The following NSMCE2 variants were observed in gnomAD, a reference collection of about 807,000 sequenced individuals.
The protein encoded by NSMCE2 is E3 SUMO-protein ligase NSE2.
Under a neutral mutation model 23.8 loss-of-function variants are expected in NSMCE2, and 24 were observed. The observed-to-expected ratio is 1.01, with a 90% confidence interval of 0.73 to 1.42. The LOEUF is 1.42. NSMCE2 is among the 40% of genes most tolerant of loss of function. The pLI is 0.00. For synonymous variants in NSMCE2, 92 were observed against 94.1 expected (o/e 0.98, Z 0.13); for missense variants, 284 against 296.5 (o/e 0.96, Z 0.31).
At chr8:125,265,487 C>T (rs1826874003) in intron 5 of NSMCE2, among the ~76,000 whole-genome samples, 1 of 152,166 alleles carries the variant, frequency 6.6e-6, no homozygotes, top group South Asian at 2.1e-4. Context: ...TCCAAAAGTG[C>T]TGGGATTACA....
rs1586425829 is a variant in NSMCE2, at chr8:125,102,418, T to A, written c.88T>A (p.Phe30Ile). The change falls in exon 3 of 8, where the codon TTC (phenylalanine) becomes ATC (isoleucine). Residue 30 changes from phenylalanine (F) to isoleucine (I), a missense_variant. This residue lies in a region of NSMCE2 where 182 missense variants were observed against 155.5 expected (regional missense o/e 1.17). Transcript: ENST00000287437. ...VESALSSLKN[F>I]QACINSGMDT... The stretch of plus-strand genomic sequence containing the variant: ...GTCTGCTCTCTCCTCCTTGAAAAAC[T>A]TCCAAGCCTGTATCAACTCTGGTAT... 3 of 1,613,790 alleles carry A rather than the reference T, an allele frequency of 1.9e-6. No individual in the cohort carries two copies. In the East Asian group the frequency reaches 6.7e-5, roughly 36 times the overall value.
At chr8:125,234,280 A>G (rs1825451608) in intron 5 of NSMCE2, among the ~76,000 whole-genome samples, 1 of 152,216 alleles carries the variant, frequency 6.6e-6, no homozygotes, top group South Asian at 2.1e-4. Context: ...CTAGACTAAT[A>G]GCAGTTGAGA....
At chr8:125,303,111 A>C (rs945298268) in intron 5 of NSMCE2, among the ~76,000 whole-genome samples, 35 of 152,178 alleles carry the variant, frequency 2.3e-4, no homozygotes, top group African/African-American at 7.7e-4. Context: ...ATCAAAGGCC[A>C]AAATACCAAA....
At chr8:125,180,167 C>T (rs535375037) in intron 4 of NSMCE2, among the ~76,000 whole-genome samples, 109 of 152,260 alleles carry the variant, frequency 7.2e-4, no homozygotes, top group Non-Finnish European at 1.1e-3. Flanking sequence ...AGCTAGTCAC[C>T]GTGTATAATA....
At chr8:125,311,807 G>A (rs1220619037) in intron 5 of NSMCE2, among the ~76,000 whole-genome samples, 1 of 152,164 alleles carries the variant, frequency 6.6e-6, no homozygotes, top group Non-Finnish European at 1.5e-5. Flanking sequence ...GGCCAGGCAC[G>A]GTGGCTCACG....
chr8:125,311,086 CTG>C (rs2131230878), intron 5 of NSMCE2, among the ~76,000 whole-genome samples: 1 of 152,324 alleles, frequency 6.6e-6, no homozygotes, highest in South Asian at 2.1e-4. Flanking sequence ...TGCTTTCAAA[CTG>C]TGTTTGTGTA....
intron 3 of NSMCE2, among the ~76,000 whole-genome samples, chr8:125,147,899 C>G (rs1362619705): frequency 6.6e-6 from 1 of 152,198 alleles, no homozygotes; most frequent in Non-Finnish European, 1.5e-5. Context: ...CAGGTTGCTA[C>G]TTGACATGGA....
At chr8:125,195,287 A>G (rs1157091768) in intron 5 of NSMCE2, among the ~76,000 whole-genome samples, 1 of 151,092 alleles carries the variant, frequency 6.6e-6, no homozygotes, top group Non-Finnish European at 1.5e-5. Context: ...GTCCACAGGC[A>G]TTTTTTTTTA....
At chr8:125,232,053 T>A (rs1423087303) in intron 5 of NSMCE2, among the ~76,000 whole-genome samples, 1 of 152,088 alleles carries the variant, frequency 6.6e-6, no homozygotes, top group Non-Finnish European at 1.5e-5. Flanking sequence ...TGAACATCAG[T>A]TGAGATGATG....
chr8:125,258,737 G>T (rs1225814411), intron 5 of NSMCE2, among the ~76,000 whole-genome samples: 1 of 152,196 alleles, frequency 6.6e-6, no homozygotes, highest in Non-Finnish European at 1.5e-5. Flanking sequence ...GAGAGAGGTG[G>T]GGGGGTTATG....
intron 3 of NSMCE2, among the ~76,000 whole-genome samples, chr8:125,119,693 T>A (rs904644427): frequency 5.9e-5 from 9 of 152,198 alleles, no homozygotes; most frequent in Non-Finnish European, 1.3e-4. Context: ...TTTTGAGACA[T>A]CAGATTCCTT....
intron 5 of NSMCE2, among the ~76,000 whole-genome samples, chr8:125,356,987 T>C (rs953125530): frequency 8.5e-5 from 13 of 152,174 alleles, no homozygotes; most frequent in African/African-American, 3.1e-4. Flanking sequence ...TCTATAACTT[T>C]AAAAAAGATT....
chr8:125,311,676 A>G (rs1054645583), intron 5 of NSMCE2, among the ~76,000 whole-genome samples: 1 of 152,234 alleles, frequency 6.6e-6, no homozygotes, highest in Non-Finnish European at 1.5e-5. Flanking sequence ...CCCCTTAACT[A>G]TTTTGGAAGA....
chr8:125,095,882 CAAAAA>C (rs1174381155), intron 1 of NSMCE2, among the ~76,000 whole-genome samples: 2 of 65,646 alleles, frequency 3.0e-5, no homozygotes. Context: ...AACTCCATCT[CAAAAA>C]AAAAAAAAAA....
At chr8:125,221,349 G>C (rs575323590) in intron 5 of NSMCE2, among the ~76,000 whole-genome samples, 3 of 152,152 alleles carry the variant, frequency 2.0e-5, no homozygotes, top group Non-Finnish European at 4.4e-5. Context: ...TCACTCAGGT[G>C]ATCCTCCCAC....
chr8:125,211,306 T>A (rs1044969957), intron 5 of NSMCE2, among the ~76,000 whole-genome samples: 1 of 152,174 alleles, frequency 6.6e-6, no homozygotes, highest in African/African-American at 2.4e-5. Flanking sequence ...TCCTTACATA[T>A]CCCTGTGGAA....
chr8:125,222,099 CAAATT>C (rs993732027), intron 5 of NSMCE2, among the ~76,000 whole-genome samples: 3 of 151,952 alleles, frequency 2.0e-5, no homozygotes, highest in Non-Finnish European at 4.4e-5. Context: ...ATATTTGAGA[CAAATT>C]AATAAACCTT....
chr8:125,122,208 T>C (rs551384946), intron 3 of NSMCE2, among the ~76,000 whole-genome samples: 122 of 150,784 alleles, frequency 8.1e-4, no homozygotes, highest in Middle Eastern at 3.5e-3. Flanking sequence ...CTGCCTATTA[T>C]ATGAAATGTA....
intron 5 of NSMCE2, among the ~76,000 whole-genome samples, chr8:125,241,999 A>C (rs559947616): frequency 5.1e-4 from 78 of 152,274 alleles, no homozygotes; most frequent in Non-Finnish European, 1.0e-3. Flanking sequence ...AAAGATCCCT[A>C]GATGTGAGAA....
Sources: gnomAD v4.1 joint callset for allele counts (sites outside exome capture counted in the v4.1 genomes callset) on GRCh38, gnomAD v4.1.1 for gene constraint, gnomAD v4.1.1 regional missense constraint, MANE v1.5 for transcripts, NCBI Gene and HGNC (gene_info 2026-07-23, HGNC 2026-07-21) for gene names.